The following ZCCHC24 variants were observed in gnomAD, a reference collection of about 807,000 sequenced individuals.
The protein encoded by ZCCHC24 is zinc finger CCHC domain-containing protein 24.
ZCCHC24 carries 10 observed loss-of-function variants against 26.2 expected under a neutral mutation model. That is an observed-to-expected ratio of 0.38 (90% confidence interval 0.24 to 0.65). The LOEUF is 0.65. ZCCHC24 is among the 30% of genes least tolerant of loss of function. The probability of loss-of-function intolerance (pLI) is 0.54; values close to 1 mark genes in which losing one functional copy is unlikely to be tolerated. For synonymous variants in ZCCHC24, 144 were observed against 147.1 expected, an observed-to-expected ratio of 0.98 and a Z score of 0.15; for missense variants, 243 against 329.1, an observed-to-expected ratio of 0.74 and a Z score of 2.03.
At chr10:79,428,405 A>AAGAT (rs1241302727) in intron 2 of ZCCHC24, among the ~76,000 whole-genome samples, 2 of 31,110 alleles carry the variant, frequency 6.4e-5, no homozygotes, top group Non-Finnish European at 1.5e-4. Flanking sequence ...TCAGTTTTGC[A>AAGAT]AGATAAATTT....
At position 79,386,355 on chromosome 10, in the gene ZCCHC24, C is replaced by A. The variant is rs775226965; in HGVS notation, c.716G>T (p.Arg239Leu). The stretch of plus-strand genomic sequence containing the variant: ...CGGGCGGGCAGCCCGTCACTGCACG[C>A]GACGGCAGTAGTAGCCCAGGACCTT... ...KCKVLGYYCR[R>L]VQ The change falls in exon 4 of 4, where the codon CGC (arginine) becomes CTC (leucine). Residue 239 changes from arginine to leucine, a missense_variant. Arg to Leu is a moderately radical substitution (Grantham distance 102). Around this residue, in one of 2 missense-constraint regions of ZCCHC24, gnomAD observed 96 missense variants for 178.3 expected, o/e 0.54. Transcript: ENST00000372336. The A allele has an allele frequency of 1.2e-6, 2 of 1,612,994 alleles. No individual in the cohort carries two copies. Among genetic ancestry groups the A allele is most frequent in the Non-Finnish European group, 1.7e-6 (2 of 1,179,760 alleles).
rs919582639 is a variant in ZCCHC24, at chr10:79,383,698, G to A, written c.*2647C>T. 3.3e-5 allele frequency: 5 copies of A among 150,086 alleles called. No homozygotes were observed. Among genetic ancestry groups the A allele is most frequent in the African/African-American group, 4.9e-5 (2 of 40,494 alleles). 9.3% of individuals were successfully genotyped at this position (150,086 alleles called of 1,614,324 possible). ...AAAAAATTACTGTGAAGATTTTTTC[G>A]GGAAAAGCTACCAAATTCAGTGTTG... On this transcript the variant is annotated 3_prime_UTR_variant, in exon 4 of 4. Coordinates refer to ENST00000372336, the MANE Select transcript of ZCCHC24 (RefSeq NM_153367.4).
intron 2 of ZCCHC24, among the ~76,000 whole-genome samples, chr10:79,406,727 G>C (rs2132190376): frequency 6.6e-6 from 1 of 152,334 alleles, no homozygotes. Flanking sequence ...AGATTTGCCT[G>C]AGGTCACACA....
chr10:79,384,817 A>AT lies in ZCCHC24; in HGVS notation c.*1527dup, dbSNP rs3839927. On this transcript the variant is annotated 3_prime_UTR_variant, in exon 4 of 4. Coordinates refer to ENST00000372336, the MANE Select transcript of ZCCHC24 (RefSeq NM_153367.4). ...AATTTCAGGCTCATTTCTTGGTCTG[A>AT]TTTTTTTTTTTTCCCACAGAGGCAT... 61,733 of 148,360 alleles carry AT rather than the reference A, an allele frequency of 0.42. 12,935 individuals are homozygous for AT. Among genetic ancestry groups the AT allele is most frequent in the East Asian group, 0.65 (3,303 of 5,112 alleles). The allele number at this position is 148,360 out of a possible 1,614,324, so 9.2% of individuals were successfully genotyped here.
At chr10:79,386,803 C>T (rs972104377) in intron 3 of ZCCHC24, among the ~76,000 whole-genome samples, 3 of 152,162 alleles carry the variant, frequency 2.0e-5, no homozygotes, top group Non-Finnish European at 4.4e-5. Context: ...TACCTGGCAC[C>T]CTGGCCATGT....
chr10:79,432,910 G>T (rs1777812599), intron 1 of ZCCHC24, 152 bp from the exon 2 acceptor site: 6 of 846,866 alleles, frequency 7.1e-6, no homozygotes, highest in Non-Finnish European at 8.8e-6. Flanking sequence ...TAACTAGTGT[G>T]TCTCCATGGA....
intron 2 of ZCCHC24, among the ~76,000 whole-genome samples, chr10:79,431,795 GGAAAAACTAATA>G (rs2132217634): frequency 6.6e-6 from 1 of 152,244 alleles, no homozygotes; most frequent in South Asian, 2.1e-4. Context: ...TTGGAAAATA[GGAAAAACTAATA>G]GGAAAAAAAA....
At chr10:79,416,444 G>A (rs1411094366) in intron 2 of ZCCHC24, among the ~76,000 whole-genome samples, 1 of 152,150 alleles carries the variant, frequency 6.6e-6, no homozygotes, top group African/African-American at 2.4e-5. Context: ...GGGGGCCCTT[G>A]ATGAACTGTG....
intron 2 of ZCCHC24, among the ~76,000 whole-genome samples, chr10:79,397,145 C>T (rs893261657): frequency 2.6e-5 from 4 of 152,322 alleles, no homozygotes; most frequent in African/African-American, 7.2e-5. Flanking sequence ...GTGCTGAGTG[C>T]GCAGATCTAA....
At chr10:79,416,782 G>A (rs1856867144) in intron 2 of ZCCHC24, among the ~76,000 whole-genome samples, 1 of 152,156 alleles carries the variant, frequency 6.6e-6, no homozygotes, top group Non-Finnish European at 1.5e-5. Flanking sequence ...GCCTCTCTGT[G>A]CCTCAGTTTC....
chr10:79,416,849 A>G (rs1199379857), intron 2 of ZCCHC24, among the ~76,000 whole-genome samples: 1 of 152,156 alleles, frequency 6.6e-6, no homozygotes, highest in Admixed American at 6.5e-5. Context: ...TGAGAAGATT[A>G]GAGGAGTCAA....
In ZCCHC24 at chr10:79,386,170, T is replaced by A. The variant is rs1405467399; in HGVS notation, c.*175A>T. The A allele has an allele frequency of 1.6e-6, 1 of 630,078 alleles. No individual in the cohort carries two copies. Among genetic ancestry groups the A allele is most frequent in the African/African-American group, 1.8e-5 (1 of 54,616 alleles). The allele number at this position is 630,078 out of a possible 1,614,324, so 39.0% of individuals were successfully genotyped here. A position where few individuals can be genotyped will look rare whatever the true frequency, so the allele number is the denominator to read the frequency against. The stretch of plus-strand genomic sequence containing the variant: ...GGCCTGTGGGGGGCAGCAATGTCAG[T>A]AACACTGTTTGTCAACACACACAAG... On this transcript the variant is annotated 3_prime_UTR_variant, in exon 4 of 4. Transcript: ENST00000372336.
At chr10:79,424,574 G>T (rs1564638540) in intron 2 of ZCCHC24, among the ~76,000 whole-genome samples, 2 of 152,232 alleles carry the variant, frequency 1.3e-5, no homozygotes, top group East Asian at 3.9e-4. Context: ...CCATGTTCAG[G>T]GGCTGGCTTC....
At chr10:79,441,064 T>C (rs2132225925) in intron 1 of ZCCHC24, among the ~76,000 whole-genome samples, 1 of 128,834 alleles carries the variant, frequency 7.8e-6, no homozygotes, top group Non-Finnish European at 1.6e-5. Flanking sequence ...TCTCAGGCCC[T>C]GGAGCTGCCC....
At chr10:79,392,291 C>T (rs1183154840) in intron 3 of ZCCHC24, among the ~76,000 whole-genome samples, 2 of 152,162 alleles carry the variant, frequency 1.3e-5, no homozygotes, top group Non-Finnish European at 2.9e-5. Context: ...TTGCACACCT[C>T]CCTGGGCCTG....
At chr10:79,386,875 C>T (rs982037080) in intron 3 of ZCCHC24, among the ~76,000 whole-genome samples, 1 of 152,144 alleles carries the variant, frequency 6.6e-6, no homozygotes, top group East Asian at 1.9e-4. Context: ...TCACGTGAGT[C>T]CAGGTTAGAG....
At chr10:79,394,892 G>A (rs1430484971) in intron 2 of ZCCHC24, among the ~76,000 whole-genome samples, 1 of 152,158 alleles carries the variant, frequency 6.6e-6, no homozygotes, top group Non-Finnish European at 1.5e-5. Flanking sequence ...CCTGCACCCA[G>A]TCAGCTCCCC....
chr10:79,410,446 G>A (rs1051774806), intron 2 of ZCCHC24, among the ~76,000 whole-genome samples: 18 of 152,212 alleles, frequency 1.2e-4, no homozygotes, highest in African/African-American at 4.3e-4. Context: ...TCTGGGATGT[G>A]CTCAGGATGA....
At chr10:79,397,716 G>A (rs1208175490) in intron 2 of ZCCHC24, among the ~76,000 whole-genome samples, 2 of 152,190 alleles carry the variant, frequency 1.3e-5, no homozygotes, top group African/African-American at 4.8e-5. Context: ...TCTGGATCTG[G>A]TTCTGCAGGC....
Sources: gnomAD v4.1 joint callset for allele counts (sites outside exome capture counted in the v4.1 genomes callset) on GRCh38, gnomAD v4.1.1 for gene constraint, gnomAD v4.1.1 regional missense constraint, MANE v1.5 for transcripts, NCBI Gene and HGNC (gene_info 2026-07-23, HGNC 2026-07-21) for gene names.